Variants in CTSD observed in about 807,000 individuals in gnomAD.
CTSD encodes ceroid-lipofuscinosis, neuronal 10.
Under a neutral mutation model 43.6 loss-of-function variants are expected in CTSD, and 28 were observed. That is an observed-to-expected ratio of 0.64 (90% CI 0.48 to 0.88). The LOEUF is 0.88. Among genes scored for constraint, CTSD ranks in the 40% least tolerant of loss-of-function variants. CTSD has a pLI of 0.00. For synonymous variants in CTSD, 270 were observed against 249.8 expected (o/e 1.08, Z -0.76); for missense variants, 485 against 555.2 (o/e 0.87, Z 1.27).
In CTSD at chr11:1,763,890, C is replaced by G. The variant is rs927787458; in HGVS notation, c.-31G>C. ...CGGCGGCCGGGTCGGAGAGGGTCGC[C>G]GAGGCCGTGCGCTTATAGCCGGGAT... On this transcript the variant is annotated 5_prime_UTR_variant, in exon 1 of 9. Coordinates refer to ENST00000236671, the MANE Select transcript of CTSD (RefSeq NM_001909.5). 1.1e-5 allele frequency: 16 copies of G among 1,513,644 alleles called. No individual in the cohort carries two copies. Among genetic ancestry groups the G allele is most frequent in the African/African-American group, 7.2e-5 (5 of 69,846 alleles). 93.8% of individuals were successfully genotyped at this position (1,513,644 alleles called of 1,614,324 possible). A position where few individuals can be genotyped will look rare whatever the true frequency, so the allele number is the denominator to read the frequency against.
In CTSD at chr11:1,759,607, C is replaced by G. The variant is rs372181453; in HGVS notation, c.261G>C (p.Thr87=). The change falls in exon 3 of 9, where the codon ACG becomes ACC. Residue 87 remains threonine (T), a synonymous_variant. Transcript: ENST00000236671. ...AGACGACTGTGAAGCACTGGGGGGG[C>G]GTCCCGATGCCAATCTCCCCGTAGT... ...AQYYGEIGIG[T]PPQCFTVVFD... 1.9e-6 allele frequency: 3 copies of G among 1,613,354 alleles called. No individual in the cohort carries two copies. Among genetic ancestry groups the G allele is most frequent in the Non-Finnish European group, 2.5e-6 (3 of 1,179,916 alleles).
chr11:1,756,852 G>A (rs1185420670), intron 5 of CTSD, among the ~76,000 whole-genome samples: 1 of 152,210 alleles, frequency 6.6e-6, no homozygotes, highest in Non-Finnish European at 1.5e-5. Flanking sequence ...GCTGCTCGCA[G>A]CGTGGTGCCG....
At chr11:1,757,270 C>T in intron 5 of CTSD, 54 bp downstream of exon 5, 1 of 1,476,248 alleles carries the variant, frequency 6.8e-7, no homozygotes, top group Non-Finnish European at 9.4e-7. Context: ...GCTCCCCGTC[C>T]AGCCCCGCCC....
At position 1,753,483 on chromosome 11, in the gene CTSD, G is replaced by A; in HGVS notation, c.*20C>T. On this transcript the variant is annotated 3_prime_UTR_variant, in exon 9 of 9. Coordinates refer to ENST00000236671, the MANE Select transcript of CTSD (RefSeq NM_001909.5). ...GGGACTCTCCTCTGTTTCTGTGCTGGCGCGCGGACGCCTTGGGAACTAGAG... is the reference window on the plus strand; with the variant it reads ...GGGACTCTCCTCTGTTTCTGTGCTGACGCGCGGACGCCTTGGGAACTAGAG... 6.2e-7 allele frequency: 1 copy of A among 1,612,836 alleles called. No homozygotes were observed. Among genetic ancestry groups the A allele is most frequent in the Middle Eastern group, 1.7e-4 (1 of 6,060 alleles).
intron 1 of CTSD, chr11:1,761,915 AC>A: frequency 3.8e-6 from 1 of 261,246 alleles, no homozygotes; most frequent in Non-Finnish European, 7.8e-6. Flanking sequence ...AGCCCACTGT[AC>A]CCAGCCCCCA....
At chr11:1,756,448 A>G (rs1452300157) in intron 5 of CTSD, among the ~76,000 whole-genome samples, 1 of 152,168 alleles carries the variant, frequency 6.6e-6, no homozygotes, top group Non-Finnish European at 1.5e-5. Context: ...TTCTGCCGGA[A>G]GCGATCCAAG....
rs121912789 is a variant in CTSD at position 1,757,343 on chromosome 11, A to T, written c.685T>A (p.Phe229Ile). 5 of 1,613,840 alleles carry T rather than the reference A, an allele frequency of 3.1e-6. No individual in the cohort carries two copies. The highest frequency in any genetic ancestry group is 4.2e-6 in the Non-Finnish European group (5 of 1,179,988). ...GCCCACCTGCTCAGGTAGAAGGAGAAGATGTTCTGGTCCACCAGCTTCTGC... is the reference window on the plus strand; with the variant it reads ...GCCCACCTGCTCAGGTAGAAGGAGATGATGTTCTGGTCCACCAGCTTCTGC... ...MQQKLVDQNIFSFYLSRDPDA... is the reference protein window; with the variant it reads ...MQQKLVDQNIISFYLSRDPDA... The change falls in exon 5 of 9, where the codon TTC (phenylalanine) becomes ATC (isoleucine). Residue 229 changes from phenylalanine to isoleucine, a missense_variant. Physicochemically the swap from Phe to Ile is conservative, Grantham distance 21. Transcript: ENST00000236671.
intron 2 of CTSD, among the ~76,000 whole-genome samples, chr11:1,760,027 GC>G: frequency 6.6e-6 from 1 of 152,198 alleles, no homozygotes; most frequent in East Asian, 1.9e-4. Context: ...TCCCCTGGTG[GC>G]CCGCAGTCCA....
rs2133664177 is a variant in CTSD, at chr11:1,759,529, C to T, written c.339G>A (p.Leu113=). 6.2e-7 allele frequency: 1 copy of T among 1,613,554 alleles called. No individual in the cohort carries two copies. The change falls in exon 3 of 9, where the codon CTG becomes CTA. Residue 113 remains leucine (L), a synonymous_variant. Transcript: ENST00000236671. ...TTCGTGACTCACAGCAAGCGATGTC[C>T]AGCAGTTTGCAGTGGATGGAGGGGA... ...LWVPSIHCKL[L]DIACWIHHKY... is the part of the protein sequence containing the mutation.
chr11:1,756,673 AAACT>A (rs1252482474), intron 5 of CTSD, among the ~76,000 whole-genome samples: 28 of 149,602 alleles, frequency 1.9e-4, no homozygotes, highest in South Asian at 4.2e-4. Flanking sequence ...CGAGAAGAGG[AAACT>A]AACTGAGTCC....
At chr11:1,755,124 G>A in intron 5 of CTSD, 96 bp from the exon 6 acceptor site, 1 of 1,446,714 alleles carries the variant, frequency 6.9e-7, no homozygotes, top group South Asian at 1.1e-5. Flanking sequence ...ATCAGGGAGA[G>A]CTTCCTGAAG....
At position 1,757,382 on chromosome 11, in the gene CTSD, C is replaced by T. The variant is rs1235872591; in HGVS notation, c.646G>A (p.Asp216Asn). ...ISVNNVLPVF[D>N]NLMQQKLVDQ... The stretch of plus-strand genomic sequence containing the variant: ...ACCAGCTTCTGCTGCATCAGGTTGT[C>T]GAAGACGGGCAGCACGTTGTTGACG... Residue 216 changes from aspartate (D) to asparagine (N), a missense_variant, in exon 5 of 9, where the codon GAC becomes AAC. By Grantham distance (23) the Asp-to-Asn change is conservative. Transcript: ENST00000236671. The T allele has an allele frequency of 2.5e-6, 4 of 1,614,158 alleles. No homozygotes were observed. The highest frequency in any genetic ancestry group is 1.7e-5 in the Admixed American group (1 of 60,024).
At chr11:1,754,709 T>G (rs1464150557) in intron 6 of CTSD, among the ~76,000 whole-genome samples, 197 bp downstream of exon 6, 2 of 135,086 alleles carry the variant, frequency 1.5e-5, no homozygotes, top group South Asian at 2.4e-4. Context: ...ATAGAGGGAA[T>G]AGAGGGGATG....
In CTSD at chr11:1,753,446, G is replaced by A. The variant is rs200674197; in HGVS notation, c.*57C>T. The A allele has an allele frequency of 4.5e-5, 72 of 1,600,820 alleles. No homozygotes were observed. Among genetic ancestry groups the A allele is most frequent in the Non-Finnish European group, 4.8e-5 (56 of 1,169,442 alleles). On this transcript the variant is annotated 3_prime_UTR_variant, in exon 9 of 9. Coordinates refer to ENST00000236671, the MANE Select transcript of CTSD (RefSeq NM_001909.5). ...TGTGGGAGGGGCCGCTGGGCCAGGG[G>A]CCTCCTGCTCTGGGACTCTCCTCTG...
chr11:1,754,266 A>G (rs1202780054), intron 6 of CTSD, 128 bp from the exon 7 acceptor site: 1 of 1,130,336 alleles, frequency 8.8e-7, no homozygotes, highest in Non-Finnish European at 1.3e-6. Flanking sequence ...CTGGAAGCAC[A>G]GCCGGCTGTA....
intron 4 of CTSD, chr11:1,757,857 C>T (rs1168536791): frequency 2.3e-5 from 11 of 471,438 alleles, no homozygotes; most frequent in Non-Finnish European, 4.3e-5. Flanking sequence ...TTACTCCCAC[C>T]ACCAATGACA....
chr11:1,757,699 A>G (rs973422563), intron 4 of CTSD, 143 bp from the exon 5 acceptor site: 3 of 742,180 alleles, frequency 4.0e-6, no homozygotes, highest in African/African-American at 3.5e-5. Context: ...AGGGCTGGAA[A>G]CCCTGAGCTG....
rs769998865 is a variant in CTSD, at chr11:1,753,164, G to T, written c.*339C>A. On this transcript the variant is annotated 3_prime_UTR_variant, in exon 9 of 9. Transcript: ENST00000236671. ...CCCAGCGGGCGCTGGTAGGGCCGGG[G>T]AGGGGACTCCCTGGAGATGAAGGGA... 5.2e-6 allele frequency: 2 copies of T among 387,680 alleles called. No homozygotes were observed. The highest frequency in any genetic ancestry group is 9.9e-6 in the Non-Finnish European group (2 of 202,800). 24.0% of individuals were successfully genotyped at this position (387,680 alleles called of 1,614,324 possible). A position where few individuals can be genotyped will look rare whatever the true frequency, so the allele number is the denominator to read the frequency against.
chr11:1,762,172 C>G (rs571795833), intron 1 of CTSD: 1 of 155,992 alleles, frequency 6.4e-6, no homozygotes, highest in East Asian at 1.9e-4. Flanking sequence ...TCCAGGACTG[C>G]ACCTGGGGCC....
Sources: gnomAD v4.1 joint callset for allele counts (sites outside exome capture counted in the v4.1 genomes callset) on GRCh38, gnomAD v4.1.1 for gene constraint, MANE v1.5 for transcripts, NCBI Gene and HGNC (gene_info 2026-07-23, HGNC 2026-07-21) for gene names.